The following KHDRBS2 variants were observed in gnomAD, a reference collection of about 807,000 sequenced individuals.
KHDRBS2 encodes the protein KH domain-containing, RNA-binding, signal transduction-associated protein 2.
Under a neutral mutation model 44.3 loss-of-function variants are expected in KHDRBS2, and 26 were observed. The ratio of observed to expected loss-of-function variants is 0.59; its 90% CI spans 0.43 to 0.81. The LOEUF is 0.81. Ranked by LOEUF, KHDRBS2 falls within the 40% of genes least tolerant of loss-of-function variation. The probability of loss-of-function intolerance (pLI) is 0.00; values close to 1 mark genes in which losing one functional copy is unlikely to be tolerated. For synonymous variants in KHDRBS2, 194 were observed against 151.1 expected (o/e 1.28, Z -2.08); for missense variants, 476 against 433.1 (o/e 1.10, Z -0.88).
intron 6 of KHDRBS2, among the ~76,000 whole-genome samples, chr6:61,846,086 C>T (rs1019597735): frequency 3.3e-5 from 5 of 152,176 alleles, no homozygotes; most frequent in African/African-American, 1.2e-4. Context: ...TTTGGCCTTC[C>T]GCCCTGAGTA....
At chr6:61,579,048 G>T in the KHDRBS2 span, among the ~76,000 whole-genome samples, 1 of 152,108 alleles carries the variant, frequency 6.6e-6, no homozygotes, top group Admixed American at 6.6e-5. Context: ...AGAAAGAGAG[G>T]GAGGTGGGCT....
chr6:62,167,741 G>T (rs1251737617), intron 2 of KHDRBS2, among the ~76,000 whole-genome samples: 2 of 152,054 alleles, frequency 1.3e-5, no homozygotes, highest in Admixed American at 1.3e-4. Flanking sequence ...AGATAAAACA[G>T]GTTTAAGCTG....
At chr6:62,101,489 A>G (rs1443623056) in intron 2 of KHDRBS2, among the ~76,000 whole-genome samples, 2 of 152,192 alleles carry the variant, frequency 1.3e-5, no homozygotes, top group Non-Finnish European at 2.9e-5. Context: ...GTCAAGGTAC[A>G]AGGAGGAAAG....
chr6:61,663,500 C>CATATATATAT, the KHDRBS2 span, among the ~76,000 whole-genome samples: 1,618 of 35,954 alleles, frequency 0.045, 436 homozygotes, highest in Middle Eastern at 0.083. Flanking sequence ...CATGAGACAC[C>CATATATATAT]ATATATATAT....
At chr6:61,986,695 C>T (rs73481189) in intron 3 of KHDRBS2, among the ~76,000 whole-genome samples, 3,187 of 152,158 alleles carry the variant, frequency 0.021, 114 homozygotes, top group African/African-American at 0.074. Flanking sequence ...ATCAACATGC[C>T]GGCAGATTCC....
At chr6:61,625,868 T>C in the KHDRBS2 span, among the ~76,000 whole-genome samples, 2 of 152,214 alleles carry the variant, frequency 1.3e-5, no homozygotes, top group Non-Finnish European at 2.9e-5. Context: ...AGCACTCTAA[T>C]ATGTGATAGA....
chr6:62,058,601 G>A (rs1214424323), intron 2 of KHDRBS2, among the ~76,000 whole-genome samples: 2 of 151,868 alleles, frequency 1.3e-5, no homozygotes, highest in Non-Finnish European at 2.9e-5. Context: ...TGTATAAATA[G>A]AGAGGAAATG....
chr6:62,104,080 T>C (rs1421331764), intron 2 of KHDRBS2, among the ~76,000 whole-genome samples: 2 of 152,206 alleles, frequency 1.3e-5, no homozygotes, highest in Non-Finnish European at 2.9e-5. Flanking sequence ...AGGATTTTTA[T>C]TGCTTAAATT....
At chr6:62,185,456 C>T (rs961688307) in intron 1 of KHDRBS2, among the ~76,000 whole-genome samples, 1 of 151,896 alleles carries the variant, frequency 6.6e-6, no homozygotes, top group African/African-American at 2.4e-5. Flanking sequence ...AATTCCACAA[C>T]AATTTAAGGG....
At chr6:62,199,053 A>T (rs924977510) in intron 1 of KHDRBS2, among the ~76,000 whole-genome samples, 1 of 151,948 alleles carries the variant, frequency 6.6e-6, no homozygotes, top group African/African-American at 2.4e-5. Flanking sequence ...CATGCTAAAA[A>T]CTCTCAATAA....
At chr6:61,898,885 A>C (rs1803426560) in intron 5 of KHDRBS2, among the ~76,000 whole-genome samples, 1 of 151,990 alleles carries the variant, frequency 6.6e-6, no homozygotes, top group Non-Finnish European at 1.5e-5. Flanking sequence ...AATTATGTGA[A>C]ACAATATCTA....
At chr6:61,669,036 C>T in the KHDRBS2 span, among the ~76,000 whole-genome samples, 2 of 150,736 alleles carry the variant, frequency 1.3e-5, no homozygotes, top group African/African-American at 4.9e-5. Context: ...ATATCTCAAC[C>T]TCCACAAAGC....
rs577918792 is a variant in KHDRBS2 at position 62,073,043 on chromosome 6, T to C, written c.220-25049A>G. On this transcript the variant is annotated intron_variant, in intron 2 of 8. Transcript: ENST00000281156. ...AGCCTGCTATCGGTCTATTCAGAGA[T>C]TCAACTTCTTCCTGGTTTAGTCTTG... is the stretch of plus-strand genomic sequence containing the variant. 1.6e-4 allele frequency among the ~76,000 whole-genome samples: 24 copies of C among 152,174 alleles called. No homozygotes were observed. In the East Asian group the frequency reaches 4.1e-3, roughly 26 times the overall value.
intron 6 of KHDRBS2, among the ~76,000 whole-genome samples, chr6:61,836,428 G>C (rs897162484): frequency 1.4e-4 from 22 of 152,146 alleles, no homozygotes; most frequent in African/African-American, 4.8e-4. Context: ...AAAATGACAG[G>C]AAGATCAGGC....
downstream of KHDRBS2, among the ~76,000 whole-genome samples, chr6:61,676,249 T>A (rs1222307740): frequency 6.6e-5 from 10 of 151,876 alleles, no homozygotes; most frequent in Non-Finnish European, 1.5e-5. Flanking sequence ...TCATTTATGA[T>A]TATTTTAAGA....
chr6:62,109,105 A>T (rs1352978588), intron 2 of KHDRBS2, among the ~76,000 whole-genome samples: 1 of 151,838 alleles, frequency 6.6e-6, no homozygotes, highest in Non-Finnish European at 1.5e-5. Flanking sequence ...AATAATAAAA[A>T]AAAAAAAGAA....
intron 6 of KHDRBS2, among the ~76,000 whole-genome samples, chr6:61,873,878 A>G (rs1404754230): frequency 1.3e-5 from 2 of 152,110 alleles, no homozygotes; most frequent in African/African-American, 4.8e-5. Flanking sequence ...GAGAATTAAA[A>G]TCAATTCAGG....
At chr6:61,831,147 T>C (rs893145212) in intron 6 of KHDRBS2, among the ~76,000 whole-genome samples, 1 of 152,268 alleles carries the variant, frequency 6.6e-6, no homozygotes, top group East Asian at 1.9e-4. Context: ...GTGATTAGCA[T>C]TGAGGCTCCT....
At chr6:61,979,740 C>G (rs1233332298) in intron 3 of KHDRBS2, among the ~76,000 whole-genome samples, 1 of 152,108 alleles carries the variant, frequency 6.6e-6, no homozygotes, top group African/African-American at 2.4e-5. Context: ...AGAGGCAACA[C>G]TACACTGAAT....
Sources: gnomAD v4.1 joint callset for allele counts (sites outside exome capture counted in the v4.1 genomes callset) on GRCh38, gnomAD v4.1.1 for gene constraint, MANE v1.5 for transcripts, NCBI Gene and HGNC (gene_info 2026-07-23, HGNC 2026-07-21) for gene names.